STAG1: variants seen among roughly 807,000 people sequenced by gnomAD.
The protein encoded by STAG1 is STAG1 cohesin complex component.
Under a neutral mutation model 170.9 loss-of-function variants are expected in STAG1, and 26 were observed. That is an observed-to-expected ratio of 0.15 (90% CI 0.11 to 0.21). STAG1 has a LOEUF of 0.21. Ranked by LOEUF, STAG1 falls within the 10% of genes least tolerant of loss-of-function variation. The pLI, the probability that STAG1 is intolerant of heterozygous loss-of-function variation, is 1.00. For missense variants in STAG1, 964 were observed against 1,509.5 expected (o/e 0.64, Z 5.99); for synonymous variants, 514 against 497.7 (o/e 1.03, Z -0.44).
intron 1 of STAG1, among the ~76,000 whole-genome samples, chr3:136,682,170 T>C (rs867400280): frequency 3.3e-5 from 5 of 152,108 alleles, no homozygotes; most frequent in African/African-American, 1.2e-4. Context: ...CGAAAACTCA[T>C]GCCTGTAATA....
chr3:136,533,273 A>G (rs1357903462), intron 6 of STAG1, among the ~76,000 whole-genome samples: 1 of 152,184 alleles, frequency 6.6e-6, no homozygotes, highest in Non-Finnish European at 1.5e-5. Flanking sequence ...ACGAATGGAA[A>G]GACAACTCAT....
At chr3:136,383,147 A>T (rs1455659002) in intron 22 of STAG1, among the ~76,000 whole-genome samples, 1 of 152,208 alleles carries the variant, frequency 6.6e-6, no homozygotes, top group Non-Finnish European at 1.5e-5. Flanking sequence ...ATACATTTTC[A>T]GGGTGTTACA....
chr3:136,515,294 G>T (rs1277576575), intron 7 of STAG1, among the ~76,000 whole-genome samples: 1 of 152,156 alleles, frequency 6.6e-6, no homozygotes, highest in Non-Finnish European at 1.5e-5. Flanking sequence ...GAACTCAGGA[G>T]GGGGAGGTTG....
intron 1 of STAG1, among the ~76,000 whole-genome samples, chr3:136,713,959 G>C (rs890151439): frequency 1.3e-5 from 2 of 152,060 alleles, no homozygotes; most frequent in Admixed American, 6.5e-5. Flanking sequence ...AGGAGGCAGA[G>C]GTTGCAGTGA....
At chr3:136,489,445 T>C (rs2090079520) in intron 9 of STAG1, among the ~76,000 whole-genome samples, 1 of 152,178 alleles carries the variant, frequency 6.6e-6, no homozygotes, top group Non-Finnish European at 1.5e-5. Flanking sequence ...ATTAAAATGA[T>C]TATAATACAA....
chr3:136,427,997 T>G (rs1252401156), intron 16 of STAG1, among the ~76,000 whole-genome samples: 1 of 151,624 alleles, frequency 6.6e-6, no homozygotes, highest in Non-Finnish European at 1.5e-5. Flanking sequence ...CTGACCACTC[T>G]CCAAGACGCC....
intron 2 of STAG1, among the ~76,000 whole-genome samples, chr3:136,627,368 C>T (rs755482763): frequency 3.9e-5 from 6 of 152,176 alleles, no homozygotes; most frequent in Admixed American, 6.5e-5. Flanking sequence ...AATAGTTTGA[C>T]GCTGCCATAA....
intron 5 of STAG1, among the ~76,000 whole-genome samples, chr3:136,548,389 C>T (rs995256820): frequency 3.3e-5 from 5 of 152,130 alleles, no homozygotes; most frequent in South Asian, 2.1e-4. Context: ...GCTGGCATTA[C>T]GGGTGTGAGC....
chr3:136,386,187 A>C (rs1483673559), intron 22 of STAG1, among the ~76,000 whole-genome samples: 1 of 152,088 alleles, frequency 6.6e-6, no homozygotes, highest in East Asian at 1.9e-4. Context: ...AATACAAAAA[A>C]AATTAGCTGG....
intron 5 of STAG1, among the ~76,000 whole-genome samples, chr3:136,567,108 C>A (rs1322961804): frequency 2.6e-5 from 4 of 152,134 alleles, no homozygotes; most frequent in Admixed American, 2.6e-4. Context: ...GCAAAGACTT[C>A]TTATTATACA....
At chr3:136,659,506 AT>A (rs1457238705) in intron 1 of STAG1, among the ~76,000 whole-genome samples, 2 of 152,226 alleles carry the variant, frequency 1.3e-5, no homozygotes, top group Non-Finnish European at 2.9e-5. Flanking sequence ...CGTGTTATGC[AT>A]TTTAAAAGCT....
chr3:136,571,395 CCT>C (rs898811379), intron 4 of STAG1, among the ~76,000 whole-genome samples: 7 of 152,032 alleles, frequency 4.6e-5, no homozygotes, highest in Admixed American at 1.3e-4. Context: ...ATGACGAAAC[CCT>C]GTCTCTACAA....
Position 136,668,381 on chromosome 3 carries a change from T to C in STAG1, c.-83-37400A>G, listed in dbSNP as rs980142734. 1.2e-4 allele frequency among the ~76,000 whole-genome samples: 17 copies of C among 146,120 alleles called. No homozygotes were observed. The South Asian group carries it at 2.5e-3, about 22-fold the overall frequency. On this transcript the variant is annotated intron_variant, in intron 1 of 33. Transcript: ENST00000383202. Reference sequence around the variant, plus strand: ...TATATTATACATAATATATTATACATAATATATAAAATATATATTATGTAT... The same window carrying C: ...TATATTATACATAATATATTATACACAATATATAAAATATATATTATGTAT...
chr3:136,397,827 A>G (rs1309717658), intron 22 of STAG1, among the ~76,000 whole-genome samples: 2 of 151,398 alleles, frequency 1.3e-5, no homozygotes, highest in African/African-American at 2.4e-5. Context: ...TTTGTTTTGC[A>G]TGGTCATGGA....
chr3:136,455,176 A>T (rs960077467), intron 13 of STAG1, among the ~76,000 whole-genome samples: 1 of 152,178 alleles, frequency 6.6e-6, no homozygotes, highest in African/African-American at 2.4e-5. Flanking sequence ...TGGTGTTGTG[A>T]TATCAGCAAG....
chr3:136,343,733 T>G, intron 30 of STAG1, 99 bp downstream of exon 30: 3 of 947,066 alleles, frequency 3.2e-6, no homozygotes, highest in Non-Finnish European at 4.5e-6. Flanking sequence ...TATCATGAAC[T>G]GACCAGCAAT....
chr3:136,744,968 G>A (rs1236113578), intron 1 of STAG1, among the ~76,000 whole-genome samples: 1 of 152,134 alleles, frequency 6.6e-6, no homozygotes, highest in Non-Finnish European at 1.5e-5. Context: ...GGGCCACTGT[G>A]CCCAGCCACA....
chr3:136,536,835 C>G (rs1416475544), intron 6 of STAG1, among the ~76,000 whole-genome samples: 1 of 151,830 alleles, frequency 6.6e-6, no homozygotes, highest in East Asian at 1.9e-4. Flanking sequence ...ATTTTCTCAT[C>G]TGTCATATAG....
chr3:136,619,159 CCTT>C (rs1559913186), intron 3 of STAG1, among the ~76,000 whole-genome samples: 1 of 151,694 alleles, frequency 6.6e-6, no homozygotes, highest in African/African-American at 2.4e-5. Flanking sequence ...TTCTTAGAAT[CCTT>C]CTGTGTTGGA....
Sources: gnomAD v4.1 joint callset for allele counts (sites outside exome capture counted in the v4.1 genomes callset) on GRCh38, gnomAD v4.1.1 for gene constraint, MANE v1.5 for transcripts, NCBI Gene and HGNC (gene_info 2026-07-23, HGNC 2026-07-21) for gene names.